Variants in MITF observed in about 807,000 individuals in gnomAD.
MITF encodes microphthalmia-associated transcription factor.
In MITF, 17 loss-of-function variants were observed where a neutral mutation model predicts 60.5. The observed-to-expected ratio is 0.28, with a 90% CI of 0.19 to 0.42. The LOEUF is 0.42. MITF is among the 10% of genes least tolerant of loss of function. The pLI is 1.00. For missense variants in MITF, 622 were observed against 683.5 expected (o/e 0.91, Z 1.00); for synonymous variants, 260 against 248.5 (o/e 1.05, Z -0.43).
chr3:69,745,793 C>G (rs754297959), intron 1 of MITF, among the ~76,000 whole-genome samples: 1 of 152,194 alleles, frequency 6.6e-6, no homozygotes, highest in Non-Finnish European at 1.5e-5. Context: ...AGAAACTTAA[C>G]TTCTTGGAGT....
intron 2 of MITF, among the ~76,000 whole-genome samples, chr3:69,880,695 T>A (rs898258970): frequency 6.6e-6 from 1 of 152,078 alleles, no homozygotes; most frequent in African/African-American, 2.4e-5. Context: ...TTTATAGATT[T>A]AAGAATTATT....
chr3:69,821,292 T>C (rs972150348), intron 1 of MITF, among the ~76,000 whole-genome samples: 2 of 152,168 alleles, frequency 1.3e-5, no homozygotes, highest in Non-Finnish European at 2.9e-5. Context: ...AAATGGGTTA[T>C]AAATAGTATC....
At chr3:69,773,671 C>T (rs1392454847) in intron 1 of MITF, among the ~76,000 whole-genome samples, 1 of 152,118 alleles carries the variant, frequency 6.6e-6, no homozygotes, top group African/African-American at 2.4e-5. Context: ...ATAGCTGGAC[C>T]ACAGATTTGT....
chr3:69,832,690 T>A (rs115218797), intron 1 of MITF, among the ~76,000 whole-genome samples: 23,280 of 83,854 alleles, frequency 0.28, 2,049 homozygotes, highest in Non-Finnish European at 0.41. Flanking sequence ...AGTGTATGTG[T>A]TTTTTTTGCC....
intron 2 of MITF, among the ~76,000 whole-genome samples, chr3:69,888,584 A>G (rs1437581205): frequency 6.6e-6 from 1 of 151,998 alleles, no homozygotes; most frequent in Non-Finnish European, 1.5e-5. Flanking sequence ...TAAGTAATTC[A>G]TCAAGGAATG....
intron 1 of MITF, among the ~76,000 whole-genome samples, chr3:69,818,081 T>C (rs1029349080): frequency 2.4e-4 from 36 of 152,174 alleles, no homozygotes; most frequent in African/African-American, 8.4e-4. Flanking sequence ...CAGTATGAAG[T>C]TTGAATATTG....
chr3:69,863,763 C>T (rs1027714260), intron 1 of MITF, among the ~76,000 whole-genome samples: 2 of 152,048 alleles, frequency 1.3e-5, no homozygotes, highest in African/African-American at 4.8e-5. Flanking sequence ...ATGGGGTCTC[C>T]ATTGCCTGGG....
intron 2 of MITF, among the ~76,000 whole-genome samples, chr3:69,916,194 T>G (rs1410452904): frequency 6.6e-6 from 1 of 152,242 alleles, no homozygotes; most frequent in Non-Finnish European, 1.5e-5. Flanking sequence ...TTATTTTCAG[T>G]GTCTTTTTTT....
chr3:69,909,327 A>G (rs1188410245), intron 2 of MITF, among the ~76,000 whole-genome samples: 2 of 152,182 alleles, frequency 1.3e-5, no homozygotes, highest in East Asian at 1.9e-4. Context: ...TGTAAATCCA[A>G]TTAAACCTCT....
intron 1 of MITF, among the ~76,000 whole-genome samples, chr3:69,804,724 G>T (rs2062977438): frequency 6.6e-6 from 1 of 152,180 alleles, no homozygotes; most frequent in South Asian, 2.1e-4. Context: ...GAGGGTCTCT[G>T]CAGGGTCTCA....
intron 3 of MITF, chr3:69,938,327 C>A: frequency 6.4e-7 from 1 of 1,555,994 alleles, no homozygotes. Context: ...TAGCTGAGTG[C>A]TCTCTTCTCT....
At chr3:69,945,013 C>T (rs1328911012) in intron 5 of MITF, among the ~76,000 whole-genome samples, 2 of 151,962 alleles carry the variant, frequency 1.3e-5, no homozygotes, top group Non-Finnish European at 2.9e-5. Context: ...GTGGAAGGAA[C>T]ACTTAGAGAG....
At chr3:69,958,708 C>T (rs1379154280) in intron 8 of MITF, among the ~76,000 whole-genome samples, 2 of 152,112 alleles carry the variant, frequency 1.3e-5, no homozygotes, top group Non-Finnish European at 2.9e-5. Flanking sequence ...AACTCTTTAA[C>T]ATAGTGTTTA....
chr3:69,946,854 T>C (rs561289516), intron 5 of MITF, among the ~76,000 whole-genome samples: 80 of 152,238 alleles, frequency 5.3e-4, no homozygotes, highest in African/African-American at 1.7e-3. Context: ...CAGCAGTACT[T>C]TCTGTAGTTT....
intron 2 of MITF, among the ~76,000 whole-genome samples, chr3:69,898,240 A>T (rs932990809): frequency 2.6e-5 from 4 of 152,216 alleles, no homozygotes; most frequent in African/African-American, 9.6e-5. Context: ...CTTTAGTTTA[A>T]AAGGGATGTG....
chr3:69,922,734 C>A (rs1403756785), intron 2 of MITF, among the ~76,000 whole-genome samples: 4 of 152,124 alleles, frequency 2.6e-5, no homozygotes, highest in African/African-American at 9.7e-5. Context: ...CTTTACAAAT[C>A]TCATGATACT....
chr3:69,832,084 C>T (rs745963117), intron 1 of MITF, among the ~76,000 whole-genome samples: 38 of 152,314 alleles, frequency 2.5e-4, no homozygotes, highest in South Asian at 4.1e-4. Flanking sequence ...AAATCATGGT[C>T]AAACTTAGTG....
chr3:69,739,951 G>C (rs907389003), intron 1 of MITF, among the ~76,000 whole-genome samples: 1 of 152,124 alleles, frequency 6.6e-6, no homozygotes, highest in Admixed American at 6.5e-5. Flanking sequence ...GCGTCCAGGC[G>C]CGGGGACCCT....
chr3:69,842,506 G>A (rs768583969), intron 1 of MITF, among the ~76,000 whole-genome samples: 2 of 152,142 alleles, frequency 1.3e-5, no homozygotes, highest in Non-Finnish European at 2.9e-5. Context: ...ATCTGAAACT[G>A]GATCAAAAAT....
Sources: gnomAD v4.1 joint callset for allele counts (sites outside exome capture counted in the v4.1 genomes callset) on GRCh38, gnomAD v4.1.1 for gene constraint, MANE v1.5 for transcripts, NCBI Gene and HGNC (gene_info 2026-07-23, HGNC 2026-07-21) for gene names.